The following GPC6 variants were observed in gnomAD, a reference collection of about 807,000 sequenced individuals.
The protein encoded by GPC6 is glypican-6.
In GPC6, 14 loss-of-function variants were observed where a neutral mutation model predicts 55.2. The ratio of observed to expected loss-of-function variants is 0.25; its 90% CI spans 0.17 to 0.40. The LOEUF is 0.40. GPC6 is among the 10% of genes least tolerant of loss of function. The probability of loss-of-function intolerance (pLI) is 1.00; values close to 1 mark genes in which losing one functional copy is unlikely to be tolerated. For synonymous variants in GPC6, 278 were observed against 259.6 expected, an observed-to-expected ratio of 1.07 and a Z score of -0.68; for missense variants, 641 against 708.5, an observed-to-expected ratio of 0.90 and a Z score of 1.08.
chr13:93,431,570 A>AT (rs568575330), intron 1 of GPC6, among the ~76,000 whole-genome samples: 166 of 152,280 alleles, frequency 1.1e-3, no homozygotes, highest in African/African-American at 3.6e-3. Context: ...ATCTAGCTTA[A>AT]TTTTTTAAAA....
At position 94,407,516 on chromosome 13, in the gene GPC6, C is replaced by G. The variant is rs1566771225; in HGVS notation, c.*4299C>G. ...TTCAATATTAAAAAACAACAACAAA[C>G]CTCGTATATTAAAACAGTGCCACTC... On this transcript the variant is annotated 3_prime_UTR_variant, in exon 9 of 9. Transcript: ENST00000377047. The G allele has an allele frequency of 6.6e-6, 1 of 152,052 alleles. No homozygotes were observed. Among genetic ancestry groups the G allele is most frequent in the Non-Finnish European group, 1.5e-5 (1 of 67,988 alleles). 9.4% of individuals were successfully genotyped at this position (152,052 alleles called of 1,614,324 possible). A position where few individuals can be genotyped will look rare whatever the true frequency, so the allele number is the denominator to read the frequency against.
intron 3 of GPC6, among the ~76,000 whole-genome samples, chr13:93,956,978 C>T (rs1484616794): frequency 1.3e-5 from 2 of 152,228 alleles, no homozygotes; most frequent in East Asian, 3.9e-4. Context: ...TCTTTTCTTT[C>T]AAGGAATATC....
intron 4 of GPC6, among the ~76,000 whole-genome samples, chr13:94,108,522 C>A (rs1047661627): frequency 6.6e-6 from 1 of 152,046 alleles, no homozygotes; most frequent in African/African-American, 2.4e-5. Flanking sequence ...TCCCCAAAAA[C>A]CTATGGAAAT....
intron 3 of GPC6, among the ~76,000 whole-genome samples, chr13:93,845,546 C>A (rs943957363): frequency 1.1e-4 from 15 of 140,972 alleles, no homozygotes; most frequent in Non-Finnish European, 2.1e-4. Context: ...ATGTTTATTG[C>A]GGCATTATTC....
intron 1 of GPC6, among the ~76,000 whole-genome samples, chr13:93,264,364 T>A (rs184479755): frequency 6.6e-6 from 1 of 152,328 alleles, no homozygotes; most frequent in East Asian, 1.9e-4. Context: ...AATGGCATAG[T>A]ATTTGCATAT....
intron 2 of GPC6, among the ~76,000 whole-genome samples, chr13:93,676,129 ATATATATATATATATAT>A (rs1566481651): frequency 2.2e-3 from 16 of 7,246 alleles, no homozygotes; most frequent in African/African-American, 3.1e-3. Flanking sequence ...AAAAAAAAAT[ATATATATATATATATAT>A]ATATATATAT....
chr13:93,358,638 CA>C (rs1199038592), intron 1 of GPC6, among the ~76,000 whole-genome samples: 1 of 152,190 alleles, frequency 6.6e-6, no homozygotes, highest in Non-Finnish European at 1.5e-5. Context: ...AATATGCAGT[CA>C]TCAAATTTGC....
intron 3 of GPC6, among the ~76,000 whole-genome samples, chr13:93,969,093 A>G (rs922615220): frequency 2.6e-5 from 4 of 152,196 alleles, no homozygotes; most frequent in Admixed American, 6.5e-5. Context: ...ATCATCTAGC[A>G]CCAACCGAAG....
chr13:94,229,190 AT>A (rs1185866960), intron 4 of GPC6, among the ~76,000 whole-genome samples: 4 of 152,198 alleles, frequency 2.6e-5, no homozygotes, highest in Non-Finnish European at 5.9e-5. Flanking sequence ...TTTAACATAC[AT>A]TTAATTATTC....
rs1880706547 is a variant in GPC6 at position 93,657,097 on chromosome 13, CTA to C, written c.319+111678_319+111679del. ...ACATTTTTCATGGAATTAGAAAAAA[CTA>C]TTCTAAAATTCATACAGAATCAGAA... On this transcript the variant is annotated intron_variant, in intron 2 of 8. Coordinates refer to ENST00000377047, the MANE Select transcript of GPC6 (RefSeq NM_005708.5). Among the ~76,000 whole-genome samples the C allele has an allele frequency of 2.0e-5, 3 of 151,996 alleles. No individual in the cohort carries two copies. In the South Asian group the frequency reaches 6.2e-4, roughly 31 times the overall value.
intron 3 of GPC6, among the ~76,000 whole-genome samples, chr13:93,920,312 T>C (rs1486170704): frequency 6.6e-6 from 1 of 152,120 alleles, no homozygotes; most frequent in East Asian, 1.9e-4. Context: ...TCCTTTTCTC[T>C]CCCTTCTTTC....
intron 1 of GPC6, among the ~76,000 whole-genome samples, chr13:93,446,968 G>T (rs968977131): frequency 6.6e-5 from 10 of 151,848 alleles, no homozygotes; most frequent in Non-Finnish European, 1.5e-4. Context: ...TTTTTTGGGG[G>T]GGTGGGTGGT....
At chr13:93,491,780 C>T (rs1880016890) in intron 1 of GPC6, among the ~76,000 whole-genome samples, 1 of 129,534 alleles carries the variant, frequency 7.7e-6, no homozygotes, top group African/African-American at 2.9e-5. Context: ...AATAGGGAAT[C>T]CTTTCCCCAT....
chr13:93,828,366 T>C (rs774365522), intron 2 of GPC6, among the ~76,000 whole-genome samples: 1 of 152,154 alleles, frequency 6.6e-6, no homozygotes, highest in Non-Finnish European at 1.5e-5. Flanking sequence ...CTCATACTTT[T>C]ATATTAATAA....
intron 6 of GPC6, among the ~76,000 whole-genome samples, chr13:94,373,682 G>C (rs1320085442): frequency 3.9e-5 from 6 of 152,114 alleles, no homozygotes; most frequent in Non-Finnish European, 8.8e-5. Context: ...TAGCAAGGCA[G>C]GCCAACATTC....
intron 3 of GPC6, among the ~76,000 whole-genome samples, chr13:93,998,716 T>C (rs989584949): frequency 6.6e-6 from 1 of 152,138 alleles, no homozygotes; most frequent in Non-Finnish European, 1.5e-5. Flanking sequence ...AATTTTTAAT[T>C]GAAAAAAATT....
intron 1 of GPC6, among the ~76,000 whole-genome samples, chr13:93,343,515 A>G (rs1447647195): frequency 3.3e-5 from 5 of 152,196 alleles, no homozygotes; most frequent in African/African-American, 9.7e-5. Flanking sequence ...CCTGCCTGTT[A>G]TGAATGTATT....
chr13:93,418,515 A>G (rs547865835), intron 1 of GPC6, among the ~76,000 whole-genome samples: 25 of 149,656 alleles, frequency 1.7e-4, no homozygotes, highest in Non-Finnish European at 3.5e-4. Context: ...ATAGCACTAT[A>G]CCATAGTATT....
intron 1 of GPC6, among the ~76,000 whole-genome samples, chr13:93,453,291 G>T (rs2813619): frequency 0.18 from 27,576 of 151,918 alleles, 3,046 homozygotes; most frequent in East Asian, 0.47. Flanking sequence ...GTTTAATGTG[G>T]CTTTCCATTC....
Sources: gnomAD v4.1 joint callset for allele counts (sites outside exome capture counted in the v4.1 genomes callset) on GRCh38, gnomAD v4.1.1 for gene constraint, MANE v1.5 for transcripts, NCBI Gene and HGNC (gene_info 2026-07-23, HGNC 2026-07-21) for gene names.